TJP2: variants seen among roughly 807,000 people sequenced by gnomAD.
TJP2 encodes the protein Friedreich ataxia region gene X104 (tight junction protein ZO-2).
TJP2 carries 91 observed loss-of-function variants against 133.1 expected under a neutral mutation model. That is an observed-to-expected ratio of 0.68 (90% CI 0.58 to 0.81). The LOEUF is 0.81. TJP2 is among the 40% of genes least tolerant of loss of function. The pLI is 0.00. For synonymous variants in TJP2, 592 were observed against 583.4 expected (o/e 1.01, Z -0.21); for missense variants, 1,541 against 1,565.6 (o/e 0.98, Z 0.26).
intron 1 of TJP2, among the ~76,000 whole-genome samples, chr9:69,129,414 G>A (rs34742885): frequency 0.073 from 11,119 of 151,976 alleles, 402 homozygotes; most frequent in Admixed American, 0.088. Flanking sequence ...AGGAGGCTGA[G>A]GTGGGAGAAT....
At position 69,248,142 on chromosome 9, in the gene TJP2, C is replaced by G; in HGVS notation, c.2798C>G (p.Thr933Ser). The change falls in exon 19 of 23, where the codon ACT becomes AGT. Residue 933 changes from threonine to serine, a missense_variant. Coordinates refer to ENST00000377245, the MANE Select transcript of TJP2 (RefSeq NM_004817.4). ...ACGGACGGTGAAGGAGGCGCCTACA[C>G]TGACAATGAGCTGGATGAGCCAGCC... Reference protein sequence around the residue: ...EDTDGEGGAYTDNELDEPAEE... With the variant: ...EDTDGEGGAYSDNELDEPAEE... The G allele has an allele frequency of 6.2e-7, 1 of 1,614,172 alleles. No homozygotes were observed. The highest frequency in any genetic ancestry group is 8.5e-7 in the Non-Finnish European group (1 of 1,180,030).
chr9:69,243,109 C>T (rs1830685079), intron 17 of TJP2, among the ~76,000 whole-genome samples: 1 of 152,130 alleles, frequency 6.6e-6, no homozygotes, highest in Admixed American at 6.5e-5. Flanking sequence ...AGCAATCTGC[C>T]CGTGTTGGCC....
intron 1 of TJP2, among the ~76,000 whole-genome samples, chr9:69,143,196 T>A (rs1206945409): frequency 6.6e-6 from 1 of 152,242 alleles, no homozygotes; most frequent in African/African-American, 2.4e-5. Flanking sequence ...TAGATAAGAA[T>A]CACTTTGTAA....
Position 69,237,857 on chromosome 9 carries a change from TG to T in TJP2, c.2180-19del. ...AGCTAGGCAAGTGTGTATGCTTTAA[TG>T]GCCTTTCTTGTCATTTCAGCTGGTT... On this transcript the variant is annotated intron_variant, in intron 14 of 22. Transcript: ENST00000377245. 3 of 1,570,092 alleles carry T rather than the reference TG, an allele frequency of 1.9e-6. No homozygotes were observed. Among genetic ancestry groups the T allele is most frequent in the Non-Finnish European group, 2.6e-6 (3 of 1,140,032 alleles).
At position 69,123,421 on chromosome 9, in the gene TJP2, A is replaced by T. The variant is rs1277763045; in HGVS notation, c.-131+1696A>T. On this transcript the variant is annotated intron_variant, in intron 1 of 5. Transcript: ENST00000423935. ...TTTTCATCATCCCAAACAGAAAGCC[A>T]TTAGAATACCTTATTTTCTCCTTTC... Among the ~76,000 whole-genome samples the T allele has an allele frequency of 6.7e-4, 52 of 77,188 alleles. 18 individuals carry two copies. The highest frequency in any genetic ancestry group is 2.1e-3 in the African/African-American group (52 of 25,222). 50.6% of individuals were successfully genotyped at this position (77,188 alleles called of 152,430 possible).
intron 1 of TJP2, among the ~76,000 whole-genome samples, chr9:69,130,441 T>C (rs1822443599): frequency 6.6e-6 from 1 of 152,164 alleles, no homozygotes; most frequent in African/African-American, 2.4e-5. Flanking sequence ...GGAAGGCTTG[T>C]CAAAATACAG....
rs1347600848 is a variant in TJP2, at chr9:69,255,145, A to G, written c.*771A>G. The G allele has an allele frequency of 2.6e-5, 4 of 152,506 alleles. No homozygotes were observed. The highest frequency in any genetic ancestry group is 2.6e-4 in the Admixed American group (4 of 15,296). 9.4% of individuals were successfully genotyped at this position (152,506 alleles called of 1,614,324 possible). The stretch of plus-strand genomic sequence containing the variant: ...ACTTGAGGAAAACACTATTTCCAAA[A>G]GCACATGTATTGACAACAGTTTTAT... On this transcript the variant is annotated 3_prime_UTR_variant, in exon 23 of 23. Transcript: ENST00000377245.
chr9:69,254,799 AAAG>A lies in TJP2; in HGVS notation c.*429_*431del, dbSNP rs1217542114. On this transcript the variant is annotated 3_prime_UTR_variant, in exon 23 of 23. Coordinates refer to ENST00000377245, the MANE Select transcript of TJP2 (RefSeq NM_004817.4). ...ATACTGTTGGGCTCAAACTAAATTCAAAGAAGTACTTTATTGCAACTCTTTTAA... is the reference window on the plus strand; with the variant it reads ...ATACTGTTGGGCTCAAACTAAATTCAAAGTACTTTATTGCAACTCTTTTAA... 1 of 474,854 alleles carries A rather than the reference AAAG, an allele frequency of 2.1e-6. No individual in the cohort carries two copies. Among genetic ancestry groups the A allele is most frequent in the African/African-American group, 1.9e-5 (1 of 51,502 alleles). The allele number at this position is 474,854 out of a possible 1,614,324, so 29.4% of individuals were successfully genotyped here.
chr9:69,167,149 A>G (rs1316949693), intron 2 of TJP2, among the ~76,000 whole-genome samples: 1 of 151,172 alleles, frequency 6.6e-6, no homozygotes, highest in Non-Finnish European at 1.5e-5. Context: ...GAGGCAGGAT[A>G]ATTGCTTGAA....
intron 1 of TJP2, chr9:69,145,816 C>T: frequency 8.1e-7 from 1 of 1,231,846 alleles, no homozygotes; most frequent in South Asian, 4.1e-5. Flanking sequence ...TGGCAACAAC[C>T]TGGGTAAGCA....
Position 69,227,750 on chromosome 9 carries a change from T to C in TJP2, c.1211-15T>C, listed in dbSNP as rs373467139. Reference sequence around the variant, plus strand: ...AATATTTTATTTAAAAGTCTTTTCTTATTTTTGAAACTAGATATTTCAGAA... The same window carrying C: ...AATATTTTATTTAAAAGTCTTTTCTCATTTTTGAAACTAGATATTTCAGAA... On this transcript the variant is annotated splice_polypyrimidine_tract_variant and intron_variant, in intron 7 of 22. Coordinates refer to ENST00000377245, the MANE Select transcript of TJP2 (RefSeq NM_004817.4). 1.3e-6 allele frequency: 2 copies of C among 1,536,906 alleles called. No individual in the cohort carries two copies. The highest frequency in any genetic ancestry group is 1.8e-6 in the Non-Finnish European group (2 of 1,113,410).
At chr9:69,187,229 G>A (rs1319552578) in intron 1 of TJP2, among the ~76,000 whole-genome samples, 1 of 152,184 alleles carries the variant, frequency 6.6e-6, no homozygotes, top group African/African-American at 2.4e-5. Flanking sequence ...TTAGTAGTAA[G>A]CTCCAAATAA....
At chr9:69,240,496 A>G (rs545634266) in intron 17 of TJP2, among the ~76,000 whole-genome samples, 1 of 152,212 alleles carries the variant, frequency 6.6e-6, no homozygotes, top group South Asian at 2.1e-4. Flanking sequence ...CCATCAATAC[A>G]TGCATTAACT....
At chr9:69,248,920 A>G (rs1831122689) in intron 19 of TJP2, 1 of 991,030 alleles carries the variant, frequency 1.0e-6, no homozygotes, top group African/African-American at 1.8e-5. Context: ...TCTCTCTAGC[A>G]TTTTAGCTCA....
At chr9:69,244,919 A>C (rs1006082347) in intron 17 of TJP2, among the ~76,000 whole-genome samples, 1 of 152,240 alleles carries the variant, frequency 6.6e-6, no homozygotes, top group Admixed American at 6.5e-5. Flanking sequence ...TTTTAACTTT[A>C]GGTTTTCTTT....
At chr9:69,229,592 A>G (rs1197269236) in intron 10 of TJP2, among the ~76,000 whole-genome samples, 1 of 152,190 alleles carries the variant, frequency 6.6e-6, no homozygotes, top group Non-Finnish European at 1.5e-5. Context: ...TGGTGACTGC[A>G]CTGATGTGAT....
intron 15 of TJP2, among the ~76,000 whole-genome samples, chr9:69,238,465 C>G (rs1212198678): frequency 2.0e-5 from 3 of 151,952 alleles, no homozygotes; most frequent in African/African-American, 7.3e-5. Flanking sequence ...TTCTAAATAA[C>G]TTTGTTACAC....
At chr9:69,152,899 C>T (rs557993056) in intron 2 of TJP2, among the ~76,000 whole-genome samples, 1 of 125,574 alleles carries the variant, frequency 8.0e-6, no homozygotes, top group South Asian at 2.8e-4. Context: ...GGTGCGATCT[C>T]GGCTCACTGC....
At chr9:69,202,622 G>A (rs112745765) in intron 1 of TJP2, among the ~76,000 whole-genome samples, 430 of 152,308 alleles carry the variant, frequency 2.8e-3, no homozygotes, top group African/African-American at 9.9e-3. Context: ...AAGTAAGCTA[G>A]GGAAGAGAAA....
Sources: allele counts gnomAD v4.1 joint callset (sites outside exome capture counted in the v4.1 genomes callset), GRCh38; gene constraint gnomAD v4.1.1; transcripts MANE v1.5; gene names NCBI Gene and HGNC (gene_info 2026-07-23, HGNC 2026-07-21).